The following SYT1 variants were observed in gnomAD, a reference collection of about 807,000 sequenced individuals.
SYT1 encodes synaptotagmin 1, also known as synaptotagmin-1.
In SYT1, 8 loss-of-function variants were observed where a neutral mutation model predicts 44.8. The ratio of observed to expected loss-of-function variants is 0.18; its 90% CI spans 0.10 to 0.32. The LOEUF is 0.32. Among genes scored for constraint, SYT1 ranks in the 10% least tolerant of loss-of-function variants. SYT1 has a pLI of 1.00. For synonymous variants in SYT1, 154 were observed against 188.8 expected, an observed-to-expected ratio of 0.82 and a Z score of 1.51; for missense variants, 286 against 509.3, an observed-to-expected ratio of 0.56 and a Z score of 4.22.
chr12:79,411,003 A>C (rs1388502455), intron 9 of SYT1, among the ~76,000 whole-genome samples: 1 of 152,200 alleles, frequency 6.6e-6, no homozygotes, highest in East Asian at 1.9e-4. Context: ...CCACAAACAC[A>C]ATTAGTCAGT....
intron 9 of SYT1, among the ~76,000 whole-genome samples, chr12:79,360,758 G>T (rs1883287929): frequency 6.6e-6 from 1 of 152,156 alleles, no homozygotes; most frequent in Non-Finnish European, 1.5e-5. Context: ...ACTTCAAAAT[G>T]CTTAATTACA....
At chr12:79,138,780 G>A (rs772543356) in intron 3 of SYT1, among the ~76,000 whole-genome samples, 1 of 152,250 alleles carries the variant, frequency 6.6e-6, no homozygotes, top group East Asian at 1.9e-4. Flanking sequence ...TGACCTACCT[G>A]TGTACACACC....
At chr12:79,221,703 C>A (rs1236660133) in intron 4 of SYT1, among the ~76,000 whole-genome samples, 1 of 152,122 alleles carries the variant, frequency 6.6e-6, no homozygotes, top group Non-Finnish European at 1.5e-5. Context: ...CTACTGTCCA[C>A]ATTTTGAATT....
chr12:79,238,957 A>C lies in SYT1; in HGVS notation c.166+21272A>C, dbSNP rs11836210. On this transcript the variant is annotated intron_variant, in intron 4 of 10. Transcript: ENST00000261205. ...TCTCCCTGTCCTTGGAATTCTCCAT[A>C]AGCCTCATGCATATAGCACTTGCCA... 3.5e-3 allele frequency among the ~76,000 whole-genome samples: 538 copies of C among 152,318 alleles called. 3 individuals are homozygous for C. The highest frequency in any genetic ancestry group is 0.012 in the African/African-American group (496 of 41,574).
chr12:78,983,601 T>G (rs767826681), intron 2 of SYT1, among the ~76,000 whole-genome samples: 1 of 152,122 alleles, frequency 6.6e-6, no homozygotes, highest in Non-Finnish European at 1.5e-5. Context: ...AAATTGTTTA[T>G]AAATTTTTCA....
intron 1 of SYT1, among the ~76,000 whole-genome samples, chr12:78,933,881 A>T (rs931341500): frequency 7.3e-5 from 11 of 150,534 alleles, no homozygotes; most frequent in East Asian, 2.0e-4. Flanking sequence ...TTAAGGGAAC[A>T]TGCCTGCTTT....
At chr12:78,992,877 A>T (rs1407771868) in intron 2 of SYT1, among the ~76,000 whole-genome samples, 1 of 152,144 alleles carries the variant, frequency 6.6e-6, no homozygotes, top group East Asian at 1.9e-4. Context: ...TGTGGGAAAA[A>T]AGCAAATAGA....
intron 3 of SYT1, among the ~76,000 whole-genome samples, chr12:79,194,932 C>T (rs1873360830): frequency 6.6e-6 from 1 of 152,148 alleles, no homozygotes; most frequent in South Asian, 2.1e-4. Context: ...GACTTAATAC[C>T]AGTAAGATAG....
At chr12:79,153,342 A>G (rs1230273393) in intron 3 of SYT1, among the ~76,000 whole-genome samples, 1 of 152,164 alleles carries the variant, frequency 6.6e-6, no homozygotes, top group African/African-American at 2.4e-5. Flanking sequence ...CTAGCTAGCT[A>G]TCTGGAAAAT....
At chr12:78,962,336 T>C (rs73148224) in intron 1 of SYT1, among the ~76,000 whole-genome samples, 16,353 of 148,656 alleles carry the variant, frequency 0.11, 1,058 homozygotes, top group Non-Finnish European at 0.16. Flanking sequence ...TTCTTTCTTT[T>C]TTTTTTTTTT....
At chr12:79,340,164 G>T (rs1303099223) in intron 8 of SYT1, among the ~76,000 whole-genome samples, 2 of 152,242 alleles carry the variant, frequency 1.3e-5, no homozygotes, top group East Asian at 3.9e-4. Flanking sequence ...CTCTTTTTTG[G>T]TTCCATATGA....
intron 1 of SYT1, among the ~76,000 whole-genome samples, chr12:78,869,450 T>C (rs1873707511): frequency 6.6e-6 from 1 of 151,986 alleles, no homozygotes; most frequent in Non-Finnish European, 1.5e-5. Context: ...TAACTTTTGT[T>C]TTATTAAAAA....
At chr12:79,071,395 A>G (rs764816160) in intron 3 of SYT1, among the ~76,000 whole-genome samples, 1 of 152,178 alleles carries the variant, frequency 6.6e-6, no homozygotes, top group African/African-American at 2.4e-5. Context: ...ACCCAAATAT[A>G]ATAAATCTGT....
intron 4 of SYT1, among the ~76,000 whole-genome samples, chr12:79,277,065 T>C (rs1878778513): frequency 6.6e-6 from 1 of 151,956 alleles, no homozygotes; most frequent in South Asian, 2.1e-4. Context: ...AGAAACCTAT[T>C]TGAGAGGACA....
chr12:79,250,192 G>T (rs936904822), intron 4 of SYT1, among the ~76,000 whole-genome samples: 1 of 152,130 alleles, frequency 6.6e-6, no homozygotes, highest in African/African-American at 2.4e-5. Context: ...TAGGTGAAAG[G>T]AGGATTCAGG....
At chr12:79,095,562 C>A (rs1878072305) in intron 3 of SYT1, among the ~76,000 whole-genome samples, 1 of 151,708 alleles carries the variant, frequency 6.6e-6, no homozygotes, top group African/African-American at 2.4e-5. Context: ...CATTTATAGA[C>A]CTGTTTTCAC....
At chr12:79,260,114 G>A (rs1877749589) in intron 4 of SYT1, among the ~76,000 whole-genome samples, 1 of 152,218 alleles carries the variant, frequency 6.6e-6, no homozygotes, top group African/African-American at 2.4e-5. Context: ...ACTTGTCTTT[G>A]CTAGTTGAAG....
At chr12:79,046,727 A>G (rs1389148754) in intron 2 of SYT1, among the ~76,000 whole-genome samples, 1 of 152,028 alleles carries the variant, frequency 6.6e-6, no homozygotes, top group Non-Finnish European at 1.5e-5. Context: ...ATAAACATGT[A>G]TATTTAAATA....
chr12:79,302,763 T>G (rs781205328), intron 8 of SYT1, among the ~76,000 whole-genome samples: 37 of 152,098 alleles, frequency 2.4e-4, no homozygotes, highest in Middle Eastern at 6.3e-3. Context: ...GTTTTTTCAG[T>G]GATGCACGGT....
Sources: gnomAD v4.1 joint callset for allele counts (sites outside exome capture counted in the v4.1 genomes callset) on GRCh38, gnomAD v4.1.1 for gene constraint, MANE v1.5 for transcripts, NCBI Gene and HGNC (gene_info 2026-07-23, HGNC 2026-07-21) for gene names.